The following ZNF91 variants were observed in gnomAD, a reference collection of about 807,000 sequenced individuals.
The protein encoded by ZNF91 is zinc finger protein 91, also known as zinc finger protein 91 (HPF7, HTF10).
A neutral mutation model predicts 12.6 loss-of-function variants in ZNF91; 7 were observed. The ratio of observed to expected loss-of-function variants is 0.55; its 90% CI spans 0.31 to 1.04. ZNF91 has a LOEUF of 1.04. Among genes scored for constraint, ZNF91 ranks in the 50% least tolerant of loss-of-function variants. The pLI is 0.05. For synonymous variants in ZNF91, 453 were observed against 462.6 expected, an observed-to-expected ratio of 0.98 and a Z score of 0.27; for missense variants, 1,217 against 1,385.4, an observed-to-expected ratio of 0.88 and a Z score of 1.93.
rs772392488 is a variant in ZNF91 at position 23,360,182 on chromosome 19, T to C, written c.2797A>G (p.Thr933Ala). Reference sequence around the variant, plus strand: ...TCACATTTGTAGGGTTTCTCTCCAGTGTGCATCCTCTTATGTGTAGTAAGG... The same window carrying C: ...TCACATTTGTAGGGTTTCTCTCCAGCGTGCATCCTCTTATGTGTAGTAAGG... ...SHLTTHKRMH[T>A]GEKPYKCEEC... is the part of the protein sequence containing the mutation. Residue 933 changes from threonine to alanine, a missense_variant, in exon 4 of 4, where the codon ACT becomes GCT. Thr to Ala is a moderately conservative substitution (Grantham distance 58, BLOSUM62 0). This residue lies in a region of ZNF91 where 491 missense variants were observed against 489.8 expected (regional missense o/e 1.00). Transcript: ENST00000300619. 1.2e-6 allele frequency: 2 copies of C among 1,613,706 alleles called. No individual in the cohort carries two copies. Among genetic ancestry groups the C allele is most frequent in the Non-Finnish European group, 1.7e-6 (2 of 1,179,956 alleles).
At chr19:23,369,691 A>T (rs1969190192) in intron 3 of ZNF91, among the ~76,000 whole-genome samples, 1 of 152,030 alleles carries the variant, frequency 6.6e-6, no homozygotes. Context: ...GATGCTGTTG[A>T]TCTATGACCT....
chr19:23,351,845 C>T (rs973310653), intron 3 of ZNF91, among the ~76,000 whole-genome samples: 6 of 152,148 alleles, frequency 3.9e-5, no homozygotes, highest in African/African-American at 1.4e-4. Flanking sequence ...CTCTCCTGAA[C>T]ACACACCCCC....
chr19:23,321,583 C>A (rs1338573979), intron 1 of ZNF91, among the ~76,000 whole-genome samples: 7 of 152,038 alleles, frequency 4.6e-5, no homozygotes, highest in Non-Finnish European at 1.0e-4. Context: ...GAGATTGTTA[C>A]ATATATCCTG....
intron 3 of ZNF91, among the ~76,000 whole-genome samples, chr19:23,341,355 A>G (rs1968119808): frequency 6.6e-6 from 1 of 152,196 alleles, no homozygotes; most frequent in African/African-American, 2.4e-5. Context: ...GGCCAGAACT[A>G]TCATTTGATT....
chr19:23,382,338 G>C (rs1381519772), intron 1 of ZNF91, among the ~76,000 whole-genome samples: 2 of 152,188 alleles, frequency 1.3e-5, no homozygotes, highest in African/African-American at 4.8e-5. Context: ...AAACAGAAGA[G>C]AGAAAGGTGT....
intron 1 of ZNF91, among the ~76,000 whole-genome samples, chr19:23,390,915 C>A (rs1797280587): frequency 6.6e-6 from 1 of 152,206 alleles, no homozygotes; most frequent in South Asian, 2.1e-4. Flanking sequence ...CATTGATAGG[C>A]ATTCAAGTTG....
At chr19:23,375,279 C>T (rs1969465414) in intron 1 of ZNF91, among the ~76,000 whole-genome samples, 1 of 152,068 alleles carries the variant, frequency 6.6e-6, no homozygotes, top group East Asian at 1.9e-4. Context: ...CCTGCCTCAG[C>T]CTCCCGAGTA....
intron 3 of ZNF91, among the ~76,000 whole-genome samples, chr19:23,372,750 A>G (rs915098012): frequency 6.6e-6 from 1 of 152,182 alleles, no homozygotes; most frequent in African/African-American, 2.4e-5. Context: ...TGGTCCCTGA[A>G]GCAGGTCCAT....
intron 1 of ZNF91, chr19:23,325,300 T>G (rs757509454): frequency 1.3e-5 from 2 of 152,074 alleles, no homozygotes; most frequent in African/African-American, 2.4e-5. Context: ...TTACAATTCT[T>G]AAATCAGTGG....
chr19:23,390,547 G>A (rs375540379), intron 1 of ZNF91, among the ~76,000 whole-genome samples: 5 of 152,156 alleles, frequency 3.3e-5, no homozygotes, highest in African/African-American at 9.6e-5. Flanking sequence ...TAGTAGAGAC[G>A]GGGTTTCACC....
At chr19:23,352,635 G>T (rs192687359) in intron 3 of ZNF91, among the ~76,000 whole-genome samples, 2 of 152,152 alleles carry the variant, frequency 1.3e-5, no homozygotes, top group South Asian at 4.2e-4. Context: ...GAATGTAAAT[G>T]GCCTAAATAC....
At chr19:23,366,959 C>G (rs1969040833) in intron 3 of ZNF91, among the ~76,000 whole-genome samples, 1 of 152,152 alleles carries the variant, frequency 6.6e-6, no homozygotes, top group South Asian at 2.1e-4. Flanking sequence ...TTATTTGCAC[C>G]TGGTGTATTC....
At chr19:23,330,850 C>T (rs1277873776) in intron 1 of ZNF91, among the ~76,000 whole-genome samples, 2 of 152,134 alleles carry the variant, frequency 1.3e-5, no homozygotes, top group Non-Finnish European at 2.9e-5. Context: ...GAGTTTTTGC[C>T]TCACTGTGAC....
At chr19:23,326,862 G>C (rs1029911448) in intron 1 of ZNF91, 3 of 152,182 alleles carry the variant, frequency 2.0e-5, no homozygotes, top group South Asian at 2.1e-4. Flanking sequence ...AGCTGGCTCA[G>C]CTTAAAGAGA....
At chr19:23,324,527 A>ATATACGTATATACATATGTATG (rs1344222213) in intron 1 of ZNF91, 2 of 151,260 alleles carry the variant, frequency 1.3e-5, no homozygotes, top group Non-Finnish European at 2.9e-5. Context: ...GTATATATAT[A>ATATACGTATATACATATGTATG]TATATACGTA....
intron 1 of ZNF91, among the ~76,000 whole-genome samples, chr19:23,392,882 A>C (rs1303552210): frequency 6.6e-6 from 1 of 152,118 alleles, no homozygotes; most frequent in Non-Finnish European, 1.5e-5. Context: ...TCATGTGTCA[A>C]GTCAGGCCAT....
At position 23,360,890 on chromosome 19, in the gene ZNF91, G is replaced by A. The variant is rs1968715495; in HGVS notation, c.2089C>T (p.Arg697Ter). Residue 697 changes from arginine to a stop codon, truncating the protein, a stop_gained, in exon 4 of 4, where the codon CGA becomes TGA. Transcript: ENST00000300619. LOFTEE classifies it low-confidence loss of function (END_TRUNC). ...KCKECDKTFKRLSTLTKHKII... is the reference protein window; with the variant it reads ...KCKECDKTFK ...TTATGTTTAGTAAGGGTTGAGAGTC[G>A]CTTAAAAGTTTTGTCACATTCTTTA... 6 of 1,613,458 alleles carry A rather than the reference G, an allele frequency of 3.7e-6. No homozygotes were observed. The highest frequency in any genetic ancestry group is 1.7e-5 in the Admixed American group (1 of 59,966).
At chr19:23,362,871 T>A in intron 3 of ZNF91, 146 bp from the exon 4 acceptor site, 1 of 1,206,640 alleles carries the variant, frequency 8.3e-7, no homozygotes, top group Non-Finnish European at 1.0e-6. Context: ...TCTATTTTTG[T>A]TTTTTTGTTT....
chr19:23,317,704 T>C (rs1967596528), intron 1 of ZNF91, among the ~76,000 whole-genome samples: 1 of 152,128 alleles, frequency 6.6e-6, no homozygotes, highest in South Asian at 2.1e-4. Context: ...GTGGATCCAG[T>C]CCACAGGTAG....
Sources: gnomAD v4.1 joint callset for allele counts (sites outside exome capture counted in the v4.1 genomes callset) on GRCh38, gnomAD v4.1.1 for gene constraint, gnomAD v4.1.1 regional missense constraint, MANE v1.5 for transcripts, NCBI Gene and HGNC (gene_info 2026-07-23, HGNC 2026-07-21) for gene names.